CDC20: variants seen among roughly 807,000 people sequenced by gnomAD.
The protein encoded by CDC20 is cell division cycle protein 20 homolog.
CDC20 carries 34 observed loss-of-function variants against 60.0 expected under a neutral mutation model. The ratio of observed to expected loss-of-function variants is 0.57; its 90% CI spans 0.43 to 0.75. The LOEUF is 0.75. Ranked by LOEUF, CDC20 falls within the 30% of genes least tolerant of loss-of-function variation. CDC20 has a pLI of 0.00. For missense variants in CDC20, 469 were observed against 647.3 expected, an observed-to-expected ratio of 0.72 and a Z score of 2.99; for synonymous variants, 198 against 243.5, an observed-to-expected ratio of 0.81 and a Z score of 1.74.
In CDC20 at chr1:43,359,228, G is replaced by C; in HGVS notation, c.13G>C (p.Ala5Pro). The C allele has an allele frequency of 6.2e-7, 1 of 1,611,644 alleles. No individual in the cohort carries two copies. Among genetic ancestry groups the C allele is most frequent in the Non-Finnish European group, 8.5e-7 (1 of 1,179,922 alleles). MAQF[A>P]FESDLHSLLQ... ...TGCGGGCGCTCCCATGGCACAGTTC[G>C]CGTTCGAGAGTGACCTGCACTCGCT... Residue 5 changes from alanine (A) to proline (P), a missense_variant, in exon 2 of 11, where the codon GCG becomes CCG. This residue lies in a region of CDC20 where 115 missense variants were observed against 156.1 expected (regional missense o/e 0.74). Transcript: ENST00000310955.
chr1:43,359,785 C>T lies in CDC20; in HGVS notation c.391C>T (p.Leu131Phe), dbSNP rs1272542089. ...TTTTGATGTAGAGGAAGCCAAGATCCTTCGGCTCAGTGGAAAACCACAAAA... is the reference window on the plus strand; with the variant it reads ...TTTTGATGTAGAGGAAGCCAAGATCTTTCGGCTCAGTGGAAAACCACAAAA... ...NGFDVEEAKI[L>F]RLSGKPQNAP... The change falls in exon 4 of 11, where the codon CTT becomes TTT. Residue 131 changes from leucine (L) to phenylalanine (F), a missense_variant. Physicochemically the swap from Leu to Phe is conservative, Grantham distance 22. Transcript: ENST00000310955. 2 of 1,613,928 alleles carry T rather than the reference C, an allele frequency of 1.2e-6. No homozygotes were observed. Among genetic ancestry groups the T allele is most frequent in the African/African-American group, 1.3e-5 (1 of 75,058 alleles).
At chr1:43,359,449 T>G (rs1330332368) in intron 2 of CDC20, 41 bp from the exon 3 acceptor site, 1 of 1,613,304 alleles carries the variant, frequency 6.2e-7, no homozygotes, top group South Asian at 1.1e-5. Flanking sequence ...ACTTTCTCCC[T>G]GGGGAGCCTG....
At position 43,360,181 on chromosome 1, in the gene CDC20, C is replaced by T. The variant is rs1484268431; in HGVS notation, c.557-12C>T. 1.2e-6 allele frequency: 2 copies of T among 1,613,844 alleles called. No homozygotes were observed. The highest frequency in any genetic ancestry group is 2.7e-5 in the African/African-American group (2 of 74,936). On this transcript the variant is annotated splice_polypyrimidine_tract_variant and intron_variant, in intron 5 of 10. Coordinates refer to ENST00000310955, the MANE Select transcript of CDC20 (RefSeq NM_001255.3). Reference sequence around the variant, plus strand: ...ACAAGGAAGCTCATGCTCTTCTCTCCACCTCTGACAGACCTGAACCTTGTG... The same window carrying T: ...ACAAGGAAGCTCATGCTCTTCTCTCTACCTCTGACAGACCTGAACCTTGTG...
Position 43,360,751 on chromosome 1 carries a change from C to G in CDC20, c.867C>G (p.His289Gln), listed in dbSNP as rs1462647269. 8 of 1,613,648 alleles carry G rather than the reference C, an allele frequency of 5.0e-6. No homozygotes were observed. The highest frequency in any genetic ancestry group is 6.8e-6 in the Non-Finnish European group (8 of 1,179,738). ...CCTCCAGTGGTTCACGTTCTGGCCA[C>G]ATCCACCACCATGATGTTCGGGTAG... Reference protein sequence around the residue: ...YILSSGSRSGHIHHHDVRVAE... With the variant: ...YILSSGSRSGQIHHHDVRVAE... The change falls in exon 8 of 11, where the codon CAC becomes CAG. Residue 289 changes from histidine to glutamine, a missense_variant. This residue lies in a region of CDC20 where 255 missense variants were observed against 326.7 expected (regional missense o/e 0.78). Coordinates refer to ENST00000310955, the MANE Select transcript of CDC20 (RefSeq NM_001255.3).
In CDC20 at chr1:43,360,385, T is replaced by C. The variant is rs1273751391; in HGVS notation, c.749T>C (p.Val250Ala). ...GCTGTGGGCACCAGCAGTGCTGAGGTGCAGGTGAGACGTGTCCAGTGCTGT... is the reference window on the plus strand; with the variant it reads ...GCTGTGGGCACCAGCAGTGCTGAGGCGCAGGTGAGACGTGTCCAGTGCTGT... ...YLAVGTSSAE[V>A]QLWDVQQQKR... is the part of the protein sequence containing the mutation. The change falls in exon 6 of 11, where the codon GTG (valine) becomes GCG (alanine). Residue 250 changes from valine to alanine, a missense_variant. Val to Ala is a moderately conservative substitution (Grantham distance 64, BLOSUM62 0). This residue lies in a region of CDC20 where 255 missense variants were observed against 326.7 expected (regional missense o/e 0.78). Coordinates refer to ENST00000310955, the MANE Select transcript of CDC20 (RefSeq NM_001255.3). The C allele has an allele frequency of 6.2e-7, 1 of 1,614,000 alleles. No individual in the cohort carries two copies. Among genetic ancestry groups the C allele is most frequent in the African/African-American group, 1.3e-5 (1 of 74,930 alleles).
In CDC20 at chr1:43,360,483, G is replaced by T. The variant is rs1647167727; in HGVS notation, c.754-16G>T. On this transcript the variant is annotated splice_polypyrimidine_tract_variant and intron_variant, in intron 6 of 10. Transcript: ENST00000310955. ...CCAAGTCCCAATCTCTGATCCTAGT[G>T]GGCTTCTCTCTCTAGCTATGGGATG... 1.9e-6 allele frequency: 3 copies of T among 1,612,248 alleles called. No individual in the cohort carries two copies. The highest frequency in any genetic ancestry group is 2.5e-6 in the Non-Finnish European group (3 of 1,178,264).
Position 43,360,886 on chromosome 1 carries a change from T to G in CDC20, c.1002T>G (p.Asn334Lys), listed in dbSNP as rs1647169754. The change falls in exon 8 of 11, where the codon AAT (asparagine) becomes AAG (lysine). Residue 334 changes from asparagine to lysine, a missense_variant. By Grantham distance (94) the Asn-to-Lys change is moderately conservative. Transcript: ENST00000310955. ...GTGGTGGTAATGATAACTTGGTCAA[T>G]GTGTGGCCTAGTGCTCCTGGAGAGG... ...LASGGNDNLV[N>K]VWPSAPGEGG... is the part of the protein sequence containing the mutation. 18 of 1,613,958 alleles carry G rather than the reference T, an allele frequency of 1.1e-5. No homozygotes were observed. The highest frequency in any genetic ancestry group is 1.4e-5 in the Non-Finnish European group (17 of 1,180,006).
intron 4 of CDC20, 31 bp downstream of exon 4, chr1:43,359,852 G>A: frequency 3.1e-6 from 5 of 1,610,258 alleles, no homozygotes; most frequent in Non-Finnish European, 4.2e-6. Context: ...TTCCTGGAGG[G>A]AGGTGTCAGT....
At chr1:43,359,048 G>A (rs972855685) in intron 1 of CDC20, 42 bp downstream of exon 1, 33 of 676,234 alleles carry the variant, frequency 4.9e-5, no homozygotes, top group African/African-American at 1.3e-4. Flanking sequence ...GCCGTGGCCA[G>A]GGGGAGGGGG....
At chr1:43,361,382 C>T (rs1030733193) in intron 9 of CDC20, 137 bp downstream of exon 9, 7 of 854,378 alleles carry the variant, frequency 8.2e-6, no homozygotes, top group East Asian at 8.0e-5. Context: ...GCTTCATTTC[C>T]AACAGTCTGT....
At position 43,359,303 on chromosome 1, in the gene CDC20, C is replaced by T. The variant is rs866946379; in HGVS notation, c.88C>T (p.Arg30Cys). Residue 30 changes from arginine (R) to cysteine (C), a missense_variant, in exon 2 of 11, where the codon CGC becomes TGC. Around this residue, in one of 5 missense-constraint regions of CDC20, gnomAD observed 115 missense variants for 156.1 expected, o/e 0.74. Coordinates refer to ENST00000310955, the MANE Select transcript of CDC20 (RefSeq NM_001255.3). ...IPNAPPARWQ[R>C]KAKEAAGPAP... ...CAATGCACCCCCTGCGCGCTGGCAG[C>T]GCAAAGCCAAGGAAGCCGCAGGCCC... The T allele has an allele frequency of 2.5e-6, 4 of 1,612,670 alleles. No homozygotes were observed. Among genetic ancestry groups the T allele is most frequent in the East Asian group, 2.2e-5 (1 of 44,854 alleles).
intron 8 of CDC20, 79 bp downstream of exon 8, chr1:43,361,040 A>G: frequency 6.2e-7 from 1 of 1,603,412 alleles, no homozygotes; most frequent in African/African-American, 1.3e-5. Flanking sequence ...GGATGGTAGG[A>G]TTGGACTGGG....
chr1:43,363,084 G>C lies in CDC20; in HGVS notation c.1455G>C (p.Lys485Asn). ...CTGCGCGGCGGCGGGAGCGGGAGAA[G>C]GCCAGTGCAGCCAAAAGCAGCCTCA... ...LDPARRRERE[K>N]ASAAKSSLIH... The change falls in exon 11 of 11, where the codon AAG (lysine) becomes AAC (asparagine). Residue 485 changes from lysine (K) to asparagine (N), a missense_variant. Lys to Asn is a moderately conservative substitution (Grantham distance 94). Coordinates refer to ENST00000310955, the MANE Select transcript of CDC20 (RefSeq NM_001255.3). 1 of 1,613,458 alleles carries C rather than the reference G, an allele frequency of 6.2e-7. No homozygotes were observed.
chr1:43,363,114 C>G lies in CDC20; in HGVS notation c.1485C>G (p.His495Gln). Residue 495 changes from histidine (H) to glutamine (Q), a missense_variant, in exon 11 of 11, where the codon CAC becomes CAG. His to Gln is a conservative substitution (Grantham distance 24). Transcript: ENST00000310955. Reference protein sequence around the residue: ...KASAAKSSLIHQGIR With the variant: ...KASAAKSSLIQQGIR Reference sequence around the variant, plus strand: ...GTGCAGCCAAAAGCAGCCTCATCCACCAAGGCATCCGCTGAAGACCAACCC... The same window carrying G: ...GTGCAGCCAAAAGCAGCCTCATCCAGCAAGGCATCCGCTGAAGACCAACCC... 1.9e-6 allele frequency: 3 copies of G among 1,612,742 alleles called. No individual in the cohort carries two copies. Among genetic ancestry groups the G allele is most frequent in the Non-Finnish European group, 2.5e-6 (3 of 1,179,560 alleles).
rs1557473369 is a variant in CDC20 at position 43,359,983 on chromosome 1, C to CT, written c.443dup (p.Lys149GlufsTer32). 1 of 1,614,206 alleles carries CT rather than the reference C, an allele frequency of 6.2e-7. No homozygotes were observed. On this transcript the variant is annotated frameshift_variant, in exon 5 of 11. Transcript: ENST00000310955. LOFTEE classifies it high-confidence loss of function. ...CGTTGCCACAGGTTATCAGAACAGA[C>CT]TGAAAGTACTCTACAGCCAAAAGGC...
rs780397423 is a variant in CDC20, at chr1:43,360,570, C to T, written c.825C>T (p.Ser275=). 6.2e-7 allele frequency: 1 copy of T among 1,614,026 alleles called. No individual in the cohort carries two copies. The highest frequency in any genetic ancestry group is 1.1e-5 in the South Asian group (1 of 91,078). Residue 275 remains serine (S), a synonymous_variant, in exon 7 of 11, where the codon AGC becomes AGT. Coordinates refer to ENST00000310955, the MANE Select transcript of CDC20 (RefSeq NM_001255.3). ...TSHSARVGSL[S]WNSYILSSGS... ...ACTCTGCCCGAGTGGGCTCCCTAAGCTGGAACAGCTATATCCTGTCCAGGT... is the reference window on the plus strand; with the variant it reads ...ACTCTGCCCGAGTGGGCTCCCTAAGTTGGAACAGCTATATCCTGTCCAGGT...
rs745801043 is a variant in CDC20, at chr1:43,360,119, C to T, written c.556+22C>T. 7 of 1,614,186 alleles carry T rather than the reference C, an allele frequency of 4.3e-6. No individual in the cohort carries two copies. The South Asian group carries it at 6.6e-5, about 15-fold the overall frequency. The stretch of plus-strand genomic sequence containing the variant: ...TATTGTAAGTGCATCCTTATCCTCG[C>T]CTCATGCATGGAGAAAGAGGGCCTG... On this transcript the variant is annotated intron_variant, in intron 5 of 10. Transcript: ENST00000310955.
In CDC20 at chr1:43,359,193, C is replaced by A. The variant is rs571760708; in HGVS notation, c.-23C>A. The A allele has an allele frequency of 6.2e-7, 1 of 1,611,002 alleles. No individual in the cohort carries two copies. Among genetic ancestry groups the A allele is most frequent in the Non-Finnish European group, 8.5e-7 (1 of 1,179,602 alleles). On this transcript the variant is annotated 5_prime_UTR_variant, in exon 2 of 11. Coordinates refer to ENST00000310955, the MANE Select transcript of CDC20 (RefSeq NM_001255.3). ...GCTCCGTAGGCACCAACTGCAAGGA[C>A]CCCTCCCCCTGCGGGCGCTCCCATG...
rs1647181657 is a variant in CDC20 at position 43,363,182 on chromosome 1, CCCTT to C, written c.*55_*58del. 6 of 1,528,300 alleles carry C rather than the reference CCCTT, an allele frequency of 3.9e-6. No homozygotes were observed. Among genetic ancestry groups the C allele is most frequent in the Admixed American group, 1.9e-5 (1 of 52,628 alleles). 94.7% of individuals were successfully genotyped at this position (1,528,300 alleles called of 1,614,324 possible). A position where few individuals can be genotyped will look rare whatever the true frequency, so the allele number is the denominator to read the frequency against. ...TTATTTTTCTAATAAAGTCATGTCT[CCCTT>C]CATGTTTTTTTTTTAAATCTGTTTC... On this transcript the variant is annotated 3_prime_UTR_variant, in exon 11 of 11. Transcript: ENST00000310955.
Sources: allele counts gnomAD v4.1 joint callset, GRCh38; gene constraint gnomAD v4.1.1; regional missense constraint gnomAD v4.1.1; transcripts MANE v1.5; gene names NCBI Gene and HGNC (gene_info 2026-07-23, HGNC 2026-07-21).